Variants in SMIM35 observed in about 807,000 individuals in gnomAD.
SMIM35 encodes the protein small integral membrane protein 35.
chr11:118,046,022 C>T (rs1944092957), intron 1 of SMIM35, among the ~76,000 whole-genome samples: 1 of 152,188 alleles, frequency 6.6e-6, no homozygotes, highest in African/African-American at 2.4e-5. Flanking sequence ...AGTTATATGG[C>T]TCCTGACACA....
intron 1 of SMIM35, among the ~76,000 whole-genome samples, chr11:118,051,754 C>T (rs1406558813): frequency 2.0e-5 from 3 of 152,224 alleles, no homozygotes; most frequent in African/African-American, 7.2e-5. Flanking sequence ...GCCATGTCAT[C>T]TGTGGTTTCA....
intron 1 of SMIM35, among the ~76,000 whole-genome samples, chr11:118,058,932 G>A (rs1291872420): frequency 2.0e-5 from 3 of 152,200 alleles, no homozygotes; most frequent in African/African-American, 4.8e-5. Flanking sequence ...AGGGCAAGAG[G>A]GGCAAGCGAC....
At chr11:118,024,378 A>G (rs1310716960) in intron 1 of SMIM35, among the ~76,000 whole-genome samples, 1 of 152,224 alleles carries the variant, frequency 6.6e-6, no homozygotes, top group Non-Finnish European at 1.5e-5. Context: ...TAGGTTGGAA[A>G]ATATACAGGT....
intron 1 of SMIM35, among the ~76,000 whole-genome samples, chr11:118,057,443 C>G (rs1404685270): frequency 6.6e-6 from 1 of 152,052 alleles, no homozygotes; most frequent in Non-Finnish European, 1.5e-5. Context: ...ATGAACAGAG[C>G]CACTGTGGGG....
intron 1 of SMIM35, among the ~76,000 whole-genome samples, chr11:118,047,369 G>C (rs1185018212): frequency 6.6e-6 from 1 of 152,236 alleles, no homozygotes; most frequent in Non-Finnish European, 1.5e-5. Flanking sequence ...GAGAGATGGA[G>C]ACAGAGAAAA....
intron 1 of SMIM35, among the ~76,000 whole-genome samples, chr11:118,057,195 A>G (rs1488593177): frequency 6.6e-6 from 1 of 152,154 alleles, no homozygotes; most frequent in Non-Finnish European, 1.5e-5. Context: ...AAGAAGGAGG[A>G]ATAGAGTTCA....
At chr11:118,070,741 T>A (rs1028651981) in intron 1 of SMIM35, among the ~76,000 whole-genome samples, 1 of 102,282 alleles carries the variant, frequency 9.8e-6, no homozygotes, top group Admixed American at 9.7e-5. Context: ...TCACTGAGAC[T>A]GCCGGCAAAT....
At chr11:118,017,849 C>T (rs11216682) in intron 1 of SMIM35, among the ~76,000 whole-genome samples, 14,595 of 152,066 alleles carry the variant, frequency 0.096, 976 homozygotes, top group East Asian at 0.37. Context: ...CAAGCAAAAG[C>T]GGGGAAAGTC....
intron 1 of SMIM35, chr11:118,028,902 G>T (rs1183793556): frequency 4.7e-6 from 2 of 422,718 alleles, no homozygotes; most frequent in Non-Finnish European, 9.5e-6. Flanking sequence ...AGGGGAAGGA[G>T]GACAGGAGGA....
chr11:118,029,784 C>T lies in SMIM35; in HGVS notation c.8-13975G>A, dbSNP rs1012673547. The T allele has an allele frequency of 1.1e-5, 5 of 457,092 alleles. No homozygotes were observed. In the Admixed American group the frequency reaches 1.2e-4, roughly 11 times the overall value. The allele number at this position is 457,092 out of a possible 1,614,324, so 28.3% of individuals were successfully genotyped here. On this transcript the variant is annotated intron_variant, in intron 1 of 4. Transcript: ENST00000689828. ...CCCTTTCCCAGAGGTCTGAGGTCCTCCCCCAGGCTCTATGTTTTGATACTT... is the reference window on the plus strand; with the variant it reads ...CCCTTTCCCAGAGGTCTGAGGTCCTTCCCCAGGCTCTATGTTTTGATACTT...
intron 1 of SMIM35, among the ~76,000 whole-genome samples, chr11:118,085,696 G>A (rs973808374): frequency 2.6e-5 from 4 of 152,152 alleles, no homozygotes; most frequent in African/African-American, 7.2e-5. Flanking sequence ...CTTCCCAATG[G>A]CAAACCCATG....
intron 1 of SMIM35, among the ~76,000 whole-genome samples, chr11:118,032,816 G>A (rs1398844699): frequency 1.3e-5 from 2 of 152,120 alleles, no homozygotes; most frequent in Non-Finnish European, 2.9e-5. Context: ...GCTGAGGCAC[G>A]AGAATCACTT....
chr11:118,028,124 T>A (rs2058289190), intron 1 of SMIM35, among the ~76,000 whole-genome samples: 1 of 152,196 alleles, frequency 6.6e-6, no homozygotes, highest in East Asian at 1.9e-4. Context: ...GATCAACATA[T>A]ATTCAGAGGT....
chr11:118,080,854 T>C (rs904423057), intron 1 of SMIM35, among the ~76,000 whole-genome samples: 1 of 152,200 alleles, frequency 6.6e-6, no homozygotes, highest in Non-Finnish European at 1.5e-5. Flanking sequence ...TCTTCTGCCC[T>C]CAGTCTTCCT....
chr11:118,055,407 TACTC>T (rs945519419), intron 1 of SMIM35, among the ~76,000 whole-genome samples: 54 of 152,282 alleles, frequency 3.5e-4, no homozygotes, highest in African/African-American at 1.1e-3. Flanking sequence ...TCAACAGCCT[TACTC>T]ACTCTATGCC....
chr11:118,081,216 T>C (rs1003189364), intron 1 of SMIM35, among the ~76,000 whole-genome samples: 2 of 152,310 alleles, frequency 1.3e-5, no homozygotes, highest in East Asian at 1.9e-4. Flanking sequence ...CGAAGTCCAA[T>C]TGGAAAACAT....
chr11:118,077,087 A>G (rs1442226640), intron 1 of SMIM35: 43 of 542,592 alleles, frequency 7.9e-5, no homozygotes, highest in Non-Finnish European at 2.6e-5. Context: ...CACTCCTGGA[A>G]TACACAGAGA....
At chr11:118,072,418 G>A (rs1944586057) in intron 1 of SMIM35, among the ~76,000 whole-genome samples, 1 of 152,238 alleles carries the variant, frequency 6.6e-6, no homozygotes, top group Non-Finnish European at 1.5e-5. Context: ...AGCCTGGGAG[G>A]CAGAGGTTGC....
chr11:118,023,651 G>A (rs972283494), intron 1 of SMIM35, among the ~76,000 whole-genome samples: 1 of 152,122 alleles, frequency 6.6e-6, no homozygotes, highest in South Asian at 2.1e-4. Context: ...CAGCACACTA[G>A]GCATCACAGA....
Sources: allele counts gnomAD v4.1 joint callset (sites outside exome capture counted in the v4.1 genomes callset), GRCh38; gene constraint gnomAD v4.1.1; transcripts MANE v1.5; gene names NCBI Gene and HGNC (gene_info 2026-07-23, HGNC 2026-07-21).